The following DOCK3 variants were observed in gnomAD, a reference collection of about 807,000 sequenced individuals.
DOCK3 encodes the protein dedicator of cytokinesis protein 3.
In DOCK3, 60 loss-of-function variants were observed where a neutral mutation model predicts 265.6. The ratio of observed to expected loss-of-function variants is 0.23; its 90% confidence interval spans 0.18 to 0.28. The LOEUF is 0.28. DOCK3 is among the 10% of genes least tolerant of loss of function. DOCK3 has a pLI of 1.00. For missense variants in DOCK3, 1,981 were observed against 2,594.3 expected, an observed-to-expected ratio of 0.76 and a Z score of 5.14; for synonymous variants, 881 against 938.0, an observed-to-expected ratio of 0.94 and a Z score of 1.11.
intron 22 of DOCK3, among the ~76,000 whole-genome samples, chr3:51,247,585 CAG>C (rs1275529453): frequency 6.6e-6 from 1 of 152,206 alleles, no homozygotes; most frequent in African/African-American, 2.4e-5. Flanking sequence ...TAACAGGTAA[CAG>C]AATGTTTTCT....
rs61097732 is a variant in DOCK3, at chr3:51,021,661, C to CTTTTTTT, written c.316-42781_316-42775dup. On this transcript the variant is annotated intron_variant, in intron 5 of 52. Transcript: ENST00000266037. ...AATAGATAATTTCTGGGAGAACTTC[C>CTTTTTTT]TTTTTTTTTTTTCTTTTTGAGACGG... Among the ~76,000 whole-genome samples the CTTTTTTT allele has an allele frequency of 3.6e-4, 51 of 142,822 alleles. 6 individuals are homozygous for CTTTTTTT. The highest frequency in any genetic ancestry group is 3.7e-3 in the Middle Eastern group (1 of 270). The allele number at this position is 142,822 out of a possible 152,430, so 93.7% of individuals were successfully genotyped here.
At chr3:51,235,338 C>G (rs923051823) in intron 19 of DOCK3, among the ~76,000 whole-genome samples, 12 of 152,138 alleles carry the variant, frequency 7.9e-5, no homozygotes, top group African/African-American at 2.7e-4. Flanking sequence ...AGTCTGTTGT[C>G]TTTTCAAGGG....
At chr3:51,071,514 A>G (rs1056393587) in intron 6 of DOCK3, among the ~76,000 whole-genome samples, 1 of 152,210 alleles carries the variant, frequency 6.6e-6, no homozygotes, top group Non-Finnish European at 1.5e-5. Flanking sequence ...CTATAACTCT[A>G]AGCTAACATT....
At chr3:50,996,459 C>T (rs1343476428) in intron 5 of DOCK3, among the ~76,000 whole-genome samples, 1 of 152,036 alleles carries the variant, frequency 6.6e-6, no homozygotes, top group Non-Finnish European at 1.5e-5. Context: ...CCTTGTGATC[C>T]GCCTACCTCG....
rs1304587930 is a variant in DOCK3, at chr3:50,720,279, A to T, written c.37+44979A>T. Among the ~76,000 whole-genome samples, 3 of 151,326 alleles carry T rather than the reference A, an allele frequency of 2.0e-5. No individual in the cohort carries two copies. The East Asian group carries it at 5.8e-4, about 29-fold the overall frequency. ...ATGCAATAGGTTGTTTTCTATTTTC[A>T]CCCTCCTCCCACCACCCACCCTCAC... On this transcript the variant is annotated intron_variant, in intron 1 of 52. Transcript: ENST00000266037.
intron 12 of DOCK3, among the ~76,000 whole-genome samples, chr3:51,161,857 C>G (rs1278190789): frequency 6.6e-6 from 1 of 152,122 alleles, no homozygotes; most frequent in African/African-American, 2.4e-5. Context: ...CACTGGAGAT[C>G]GATAAGTCAC....
intron 12 of DOCK3, 82 bp downstream of exon 12, chr3:51,160,784 C>T: frequency 6.7e-7 from 1 of 1,495,904 alleles, no homozygotes; most frequent in South Asian, 1.4e-5. Context: ...AGTGCTCAAA[C>T]CTTGTGGACA....
At chr3:51,364,192 A>G (rs904088110) in intron 49 of DOCK3, among the ~76,000 whole-genome samples, 10 of 151,454 alleles carry the variant, frequency 6.6e-5, no homozygotes, top group Non-Finnish European at 1.0e-4. Flanking sequence ...ACTGGTGTGA[A>G]ATGGTATCTC....
At chr3:51,200,659 G>T (rs1476138663) in intron 12 of DOCK3, among the ~76,000 whole-genome samples, 1 of 151,796 alleles carries the variant, frequency 6.6e-6, no homozygotes, top group Non-Finnish European at 1.5e-5. Context: ...TCAGGTTCAG[G>T]AAATAGACAG....
rs368819970 is a variant in DOCK3 at position 50,925,824 on chromosome 3, C to CTTTTTTTTTTTTTTT, written c.219-8147_219-8133dup. ...TCAGCAGCTACTAGGTAAAACTAGT[C>CTTTTTTTTTTTTTTT]TTTTTTTTTTTTTTTTTTTTTTTTG... is the stretch of plus-strand genomic sequence containing the variant. On this transcript the variant is annotated intron_variant, in intron 4 of 52. Transcript: ENST00000266037. Among the ~76,000 whole-genome samples the CTTTTTTTTTTTTTTT allele has an allele frequency of 4.3e-4, 38 of 88,420 alleles. 3 individuals carry two copies. The highest frequency in any genetic ancestry group is 1.9e-3 in the African/African-American group (37 of 19,396). 58.0% of individuals were successfully genotyped at this position (88,420 alleles called of 152,430 possible).
intron 9 of DOCK3, among the ~76,000 whole-genome samples, chr3:51,114,739 G>A (rs1159850015): frequency 6.6e-6 from 1 of 152,074 alleles, no homozygotes; most frequent in Non-Finnish European, 1.5e-5. Flanking sequence ...GTGCCATGGT[G>A]GTTTGCTGCA....
intron 9 of DOCK3, among the ~76,000 whole-genome samples, chr3:51,093,926 C>T (rs1303228679): frequency 6.6e-6 from 1 of 152,162 alleles, no homozygotes; most frequent in Admixed American, 6.6e-5. Flanking sequence ...TTGAGATAAA[C>T]ATGTGGTTTT....
chr3:50,808,531 G>A (rs2043559929), intron 2 of DOCK3, among the ~76,000 whole-genome samples: 1 of 152,164 alleles, frequency 6.6e-6, no homozygotes, highest in African/African-American at 2.4e-5. Flanking sequence ...ATAGACCCTG[G>A]AGAGCCACAC....
chr3:51,122,429 G>A (rs140609060), intron 9 of DOCK3, among the ~76,000 whole-genome samples: 2 of 152,168 alleles, frequency 1.3e-5, no homozygotes, highest in Non-Finnish European at 2.9e-5. Flanking sequence ...CCCAGACAAC[G>A]GAGCAAGACT....
intron 1 of DOCK3, among the ~76,000 whole-genome samples, chr3:50,745,654 G>C (rs762644275): frequency 1.3e-5 from 2 of 152,172 alleles, no homozygotes; most frequent in Admixed American, 6.5e-5. Context: ...CCCCCTGCCT[G>C]TTCAGGCATC....
At chr3:50,948,422 T>TTG (rs397978005) in intron 5 of DOCK3, among the ~76,000 whole-genome samples, 2 of 146,504 alleles carry the variant, frequency 1.4e-5, no homozygotes, top group African/African-American at 5.0e-5. Context: ...TTTTTTTTTT[T>TTG]AGTCAGAGTC....
intron 27 of DOCK3, among the ~76,000 whole-genome samples, chr3:51,293,037 ATGT>A (rs1441501459): frequency 6.6e-6 from 1 of 152,238 alleles, no homozygotes; most frequent in Non-Finnish European, 1.5e-5. Flanking sequence ...TATTGTTAAG[ATGT>A]TTATAATCCC....
intron 5 of DOCK3, among the ~76,000 whole-genome samples, chr3:51,013,864 A>C (rs9877272): frequency 0.76 from 115,594 of 152,094 alleles, 44,928 homozygotes; most frequent in Middle Eastern, 0.88. Flanking sequence ...TTTACCTCCT[A>C]AGCCTCAGCA....
chr3:50,970,377 A>T (rs1435521937), intron 5 of DOCK3, among the ~76,000 whole-genome samples: 2 of 152,206 alleles, frequency 1.3e-5, no homozygotes, highest in Non-Finnish European at 2.9e-5. Context: ...TATTTCCTCA[A>T]ATAGGTATAC....
Sources: allele counts gnomAD v4.1 joint callset (sites outside exome capture counted in the v4.1 genomes callset), GRCh38; gene constraint gnomAD v4.1.1; transcripts MANE v1.5; gene names NCBI Gene and HGNC (gene_info 2026-07-23, HGNC 2026-07-21).